MAP4K5: variants seen among roughly 807,000 people sequenced by gnomAD.
The protein encoded by MAP4K5 is MAPK/ERK kinase kinase kinase 5.
Under a neutral mutation model 135.6 loss-of-function variants are expected in MAP4K5, and 82 were observed. The observed-to-expected ratio is 0.60, with a 90% confidence interval of 0.51 to 0.73. The LOEUF (loss-of-function observed/expected upper bound fraction) is 0.73, where lower values mean the gene tolerates loss of function less well. MAP4K5 is among the 30% of genes least tolerant of loss of function. The pLI is 0.00. For synonymous variants in MAP4K5, 347 were observed against 335.0 expected (o/e 1.04, Z -0.39); for missense variants, 907 against 1,010.9 (o/e 0.90, Z 1.39).
rs949367192 is a variant in MAP4K5 at position 50,502,602 on chromosome 14, A to C, written c.166+2198T>G. ...TATGTGCCTTTTTTCTTCTTGATAA[A>C]AATGATTTTAAAGTTCTGAAGAAAA... On this transcript the variant is annotated intron_variant, in intron 3 of 32. Coordinates refer to ENST00000682126, the MANE Select transcript of MAP4K5 (RefSeq NM_006575.6). 7.2e-4 allele frequency among the ~76,000 whole-genome samples: 109 copies of C among 152,154 alleles called. 1 individual carries two copies. The highest frequency in any genetic ancestry group is 7.6e-4 in the Non-Finnish European group (52 of 67,998).
At chr14:50,453,061 A>G (rs796466439) in intron 14 of MAP4K5, among the ~76,000 whole-genome samples, 1 of 151,896 alleles carries the variant, frequency 6.6e-6, no homozygotes, top group African/African-American at 2.4e-5. Context: ...TATTCTTACT[A>G]TTGCCCTTTG....
intron 1 of MAP4K5, among the ~76,000 whole-genome samples, chr14:50,550,647 G>A (rs2038691116): frequency 6.6e-6 from 1 of 152,168 alleles, no homozygotes; most frequent in African/African-American, 2.4e-5. Context: ...GTGCCCTTAG[G>A]CCACAAAACA....
rs768530966 is a variant in MAP4K5, at chr14:50,475,142, A to G, written c.477T>C (p.Phe159=). Residue 159 remains phenylalanine, a synonymous_variant, in exon 9 of 33, where the codon TTT becomes TTC. Transcript: ENST00000682126. ...TDHGDVKLAD[F]GVAAKITATI... ...TAGCTGTTATTTTTGCAGCCACACC[A>G]AAGTCAGCTAGTGAGGAAAAAAACA... is the stretch of plus-strand genomic sequence containing the variant. The G allele has an allele frequency of 1.2e-6, 2 of 1,613,836 alleles. No individual in the cohort carries two copies. Among genetic ancestry groups the G allele is most frequent in the East Asian group, 4.5e-5 (2 of 44,860 alleles).
At chr14:50,530,163 T>C (rs988320908) in intron 2 of MAP4K5, among the ~76,000 whole-genome samples, 2 of 152,106 alleles carry the variant, frequency 1.3e-5, no homozygotes, top group African/African-American at 4.8e-5. Context: ...TAGGGGACCA[T>C]GTGTTAAGGG....
intron 1 of MAP4K5, among the ~76,000 whole-genome samples, chr14:50,546,136 A>G (rs1190375344): frequency 6.6e-6 from 1 of 152,094 alleles, no homozygotes; most frequent in Non-Finnish European, 1.5e-5. Context: ...GAAACTGAAG[A>G]AAAAAAAGAG....
In MAP4K5 at chr14:50,448,810, AG is replaced by A; in HGVS notation, c.1037del (p.Pro346LeufsTer3). The A allele has an allele frequency of 6.4e-7, 1 of 1,557,812 alleles. No individual in the cohort carries two copies. Among genetic ancestry groups the A allele is most frequent in the Non-Finnish European group, 8.7e-7 (1 of 1,144,478 alleles). On this transcript the variant is annotated frameshift_variant, in exon 15 of 33. Transcript: ENST00000682126. LOFTEE classifies it high-confidence loss of function. ...EINFDKLQFE[P>X]PLRKETEARD... ...GTGCTTCTGTTTCTTTTCTCAGAGG[AG>A]GTTCAAATTGTAATTTGTCAACTGC...
intron 2 of MAP4K5, among the ~76,000 whole-genome samples, chr14:50,515,828 A>G (rs140142026): frequency 2.0e-5 from 3 of 152,216 alleles, no homozygotes; most frequent in African/African-American, 7.2e-5. Flanking sequence ...ACATTCACCT[A>G]TGCAGCCAAC....
At chr14:50,540,275 C>T (rs1176659542) in intron 2 of MAP4K5, among the ~76,000 whole-genome samples, 1 of 152,192 alleles carries the variant, frequency 6.6e-6, no homozygotes, top group Non-Finnish European at 1.5e-5. Flanking sequence ...ATGAATAAAA[C>T]CATCAGCGTA....
chr14:50,437,543 G>A lies in MAP4K5; in HGVS notation c.1824-9C>T, dbSNP rs368540298. 46 of 1,583,156 alleles carry A rather than the reference G, an allele frequency of 2.9e-5. No individual in the cohort carries two copies. Among genetic ancestry groups the A allele is most frequent in the African/African-American group, 2.0e-4 (15 of 74,082 alleles). ...TTGTTAAAGCGAATTTTCTGAAAACGTAAGACGATATAAATGCACTCTACA... is the reference window on the plus strand; with the variant it reads ...TTGTTAAAGCGAATTTTCTGAAAACATAAGACGATATAAATGCACTCTACA... On this transcript the variant is annotated splice_polypyrimidine_tract_variant and intron_variant, in intron 25 of 32. Transcript: ENST00000682126.
Position 50,428,690 on chromosome 14 carries a change from TAACTC to T in MAP4K5, c.2293_2297del (p.Glu765LysfsTer3). The T allele has an allele frequency of 6.6e-7, 1 of 1,523,480 alleles. No individual in the cohort carries two copies. The highest frequency in any genetic ancestry group is 8.8e-7 in the Non-Finnish European group (1 of 1,139,112). 94.4% of individuals were successfully genotyped at this position (1,523,480 alleles called of 1,614,324 possible). On this transcript the variant is annotated frameshift_variant, in exon 30 of 33. Transcript: ENST00000682126. LOFTEE classifies it high-confidence loss of function. The stretch of plus-strand genomic sequence containing the variant: ...CAGATTCAATGCGAAAATCAAAACT[TAACTC>T]AGAGGCCAGTTTCTTACTTGATTTT...
chr14:50,437,436 A>C (rs749827784), intron 26 of MAP4K5, 40 bp downstream of exon 26: 2 of 1,449,302 alleles, frequency 1.4e-6, no homozygotes, highest in East Asian at 4.6e-5. Context: ...AAGATGTTAA[A>C]AGTTCTAACC....
intron 2 of MAP4K5, among the ~76,000 whole-genome samples, chr14:50,512,767 TAC>T (rs2037956230): frequency 6.6e-6 from 1 of 152,154 alleles, no homozygotes; most frequent in Non-Finnish European, 1.5e-5. Context: ...AATTTAACTA[TAC>T]AAATTCGCGC....
At chr14:50,523,452 C>T (rs531389335) in intron 2 of MAP4K5, among the ~76,000 whole-genome samples, 5 of 152,238 alleles carry the variant, frequency 3.3e-5, no homozygotes, top group African/African-American at 9.6e-5. Flanking sequence ...ACACAGGTTC[C>T]GGTGACTCAA....
At position 50,428,662 on chromosome 14, in the gene MAP4K5, C is replaced by G; in HGVS notation, c.2326G>C (p.Val776Leu). 1 of 1,482,756 alleles carries G rather than the reference C, an allele frequency of 6.7e-7. No homozygotes were observed. The highest frequency in any genetic ancestry group is 9.0e-7 in the Non-Finnish European group (1 of 1,108,606). The allele number at this position is 1,482,756 out of a possible 1,614,324, so 91.8% of individuals were successfully genotyped here. A position where few individuals can be genotyped will look rare whatever the true frequency, so the allele number is the denominator to read the frequency against. The change falls in exon 30 of 33, where the codon GTA (valine) becomes CTA (leucine). Residue 776 changes from valine to leucine, a missense_variant and splice_region_variant. By Grantham distance (32) the Val-to-Leu change is conservative (BLOSUM62 1). Transcript: ENST00000682126. ...LSFDFRIESV[V>L]CLQDSVLAFW... ...GATTTATGAAAAAAAGGAAACTTAC[C>G]TACAGATTCAATGCGAAAATCAAAA...
intron 3 of MAP4K5, among the ~76,000 whole-genome samples, chr14:50,488,231 CTCATGAGAACTCACTA>C (rs1034421790): frequency 1.8e-4 from 27 of 152,194 alleles, no homozygotes; most frequent in South Asian, 6.2e-4. Flanking sequence ...ACCATCAGAT[CTCATGAGAACTCACTA>C]TCATGAGAAC....
intron 1 of MAP4K5, among the ~76,000 whole-genome samples, chr14:50,545,790 G>C (rs2038623760): frequency 6.6e-6 from 1 of 152,202 alleles, no homozygotes; most frequent in African/African-American, 2.4e-5. Context: ...CCAAAAACAT[G>C]GGGAAGTTCA....
chr14:50,510,964 C>G (rs932187181), intron 2 of MAP4K5, among the ~76,000 whole-genome samples: 1 of 152,168 alleles, frequency 6.6e-6, no homozygotes, highest in Non-Finnish European at 1.5e-5. Flanking sequence ...ATGTACCCAA[C>G]TGAGCTAAAA....
At chr14:50,537,087 A>C (rs1039840593), upstream of MAP4K5, among the ~76,000 whole-genome samples, 4 of 152,250 alleles carry the variant, frequency 2.6e-5, no homozygotes, top group African/African-American at 7.2e-5. Flanking sequence ...ATCACAGGCC[A>C]GGAGACCTAG....
chr14:50,458,996 A>T (rs890126622), intron 13 of MAP4K5, among the ~76,000 whole-genome samples: 2 of 152,064 alleles, frequency 1.3e-5, no homozygotes, highest in Non-Finnish European at 2.9e-5. Flanking sequence ...TTTTTTGTAG[A>T]GGCAGGGTCT....
Sources: gnomAD v4.1 joint callset for allele counts (sites outside exome capture counted in the v4.1 genomes callset) on GRCh38, gnomAD v4.1.1 for gene constraint, MANE v1.5 for transcripts, NCBI Gene and HGNC (gene_info 2026-07-23, HGNC 2026-07-21) for gene names.